The following ZDHHC2 variants were observed in gnomAD, a reference collection of about 807,000 sequenced individuals.
The protein encoded by ZDHHC2 is zDHHC palmitoyltransferase 2.
ZDHHC2 carries 51 observed loss-of-function variants against 55.6 expected under a neutral mutation model. The ratio of observed to expected loss-of-function variants is 0.92; its 90% CI spans 0.73 to 1.16. The LOEUF is 1.16. ZDHHC2 is among the 50% of genes most tolerant of loss of function. The pLI is 0.00. For missense variants in ZDHHC2, 491 were observed against 442.4 expected (o/e 1.11, Z -0.99); for synonymous variants, 199 against 152.9 (o/e 1.30, Z -2.22).
At chr8:17,164,968 G>A (rs1804531506) in intron 1 of ZDHHC2, among the ~76,000 whole-genome samples, 1 of 152,184 alleles carries the variant, frequency 6.6e-6, no homozygotes, top group Non-Finnish European at 1.5e-5. Context: ...TGGATCCCAT[G>A]AGTCCTCTCA....
chr8:17,169,010 G>A (rs570401857), intron 1 of ZDHHC2, among the ~76,000 whole-genome samples: 1 of 152,248 alleles, frequency 6.6e-6, no homozygotes, highest in East Asian at 1.9e-4. Flanking sequence ...ATACCTGTTT[G>A]AGTCCCTGCT....
At chr8:17,183,978 C>G (rs1016541804) in intron 1 of ZDHHC2, among the ~76,000 whole-genome samples, 2 of 152,114 alleles carry the variant, frequency 1.3e-5, no homozygotes, top group Admixed American at 6.5e-5. Flanking sequence ...GCACCAAGGC[C>G]TGAGGTCCCG....
rs548377144 is a variant in ZDHHC2, at chr8:17,203,126, C to A, written c.477-2529C>A. Among the ~76,000 whole-genome samples the A allele has an allele frequency of 3.0e-3, 396 of 134,088 alleles. 2 individuals are homozygous for A. Among genetic ancestry groups the A allele is most frequent in the African/African-American group, 0.01 (376 of 35,886 alleles). 88.0% of individuals were successfully genotyped at this position (134,088 alleles called of 152,430 possible). A position where few individuals can be genotyped will look rare whatever the true frequency, so the allele number is the denominator to read the frequency against. On this transcript the variant is annotated intron_variant, in intron 6 of 12. Coordinates refer to ENST00000262096, the MANE Select transcript of ZDHHC2 (RefSeq NM_016353.5). ...CCAGGCTGGAGTGCAGTGGTGAAAT[C>A]TTGGCTCACTGCAGCCTCTGCCTCC...
At chr8:17,158,984 C>A (rs1035917869) in intron 1 of ZDHHC2, among the ~76,000 whole-genome samples, 1 of 152,174 alleles carries the variant, frequency 6.6e-6, no homozygotes, top group African/African-American at 2.4e-5. Flanking sequence ...TATGAAAGAT[C>A]TAGATTCTAG....
intron 6 of ZDHHC2, among the ~76,000 whole-genome samples, chr8:17,198,674 T>A (rs1806452210): frequency 6.6e-6 from 1 of 152,244 alleles, no homozygotes. Context: ...ATTTTGTTTG[T>A]ATGCATGTGC....
chr8:17,167,530 C>T (rs1400354075), intron 1 of ZDHHC2, among the ~76,000 whole-genome samples: 3 of 152,004 alleles, frequency 2.0e-5, no homozygotes, highest in Non-Finnish European at 4.4e-5. Context: ...GTCTTGAACT[C>T]CTGACCTCAG....
chr8:17,210,713 C>A (rs1254698967), intron 10 of ZDHHC2, among the ~76,000 whole-genome samples: 1 of 151,928 alleles, frequency 6.6e-6, no homozygotes, highest in African/African-American at 2.4e-5. Context: ...TGTTAATTGT[C>A]TATACATTTT....
At chr8:17,168,208 A>G (rs1804696672) in intron 1 of ZDHHC2, among the ~76,000 whole-genome samples, 1 of 152,178 alleles carries the variant, frequency 6.6e-6, no homozygotes, top group South Asian at 2.1e-4. Flanking sequence ...TTGGCTCGGC[A>G]TTCTTTTGAA....
chr8:17,177,027 C>G lies in ZDHHC2; in HGVS notation c.131-7762C>G, dbSNP rs558354364. On this transcript the variant is annotated intron_variant, in intron 1 of 12. Coordinates refer to ENST00000262096, the MANE Select transcript of ZDHHC2 (RefSeq NM_016353.5). ...CTGGAAGGGGTGTCACTTTTGACCT[C>G]TAATACACTAAAAATGAACCAGAGA... 1.4e-4 allele frequency among the ~76,000 whole-genome samples: 22 copies of G among 152,234 alleles called. No homozygotes were observed. The South Asian group carries it at 4.6e-3, about 32-fold the overall frequency.
chr8:17,193,640 C>T (rs1042318305), intron 3 of ZDHHC2, among the ~76,000 whole-genome samples: 7 of 152,246 alleles, frequency 4.6e-5, no homozygotes, highest in African/African-American at 9.6e-5. Context: ...GAGTTTGCTC[C>T]GGCCCTGGCC....
chr8:17,190,956 T>TC (rs1563155230), intron 3 of ZDHHC2, among the ~76,000 whole-genome samples: 1 of 126,042 alleles, frequency 7.9e-6, no homozygotes. Context: ...TCATTCTTTT[T>TC]TTTTTTTTTT....
Position 17,156,576 on chromosome 8 carries a change from A to C in ZDHHC2, c.-148A>C. On this transcript the variant is annotated 5_prime_UTR_variant, in exon 1 of 13. Coordinates refer to ENST00000262096, the MANE Select transcript of ZDHHC2 (RefSeq NM_016353.5). ...GCCGGCTCGGGGCTGCGGGATGGGG[A>C]GTTAGCGCCACGGCGGCGGCAGTGG... 1 of 432,864 alleles carries C rather than the reference A, an allele frequency of 2.3e-6. No individual in the cohort carries two copies. The highest frequency in any genetic ancestry group is 3.1e-6 in the Non-Finnish European group (1 of 322,746). The allele number at this position is 432,864 out of a possible 1,614,324, so 26.8% of individuals were successfully genotyped here.
intron 1 of ZDHHC2, among the ~76,000 whole-genome samples, chr8:17,178,788 C>T (rs1301904523): frequency 1.3e-5 from 2 of 152,202 alleles, no homozygotes; most frequent in African/African-American, 4.8e-5. Context: ...ATTACTTTGA[C>T]AGTCTCACTC....
intron 1 of ZDHHC2, among the ~76,000 whole-genome samples, chr8:17,170,406 A>G (rs1804801791): frequency 6.6e-6 from 1 of 152,262 alleles, no homozygotes; most frequent in African/African-American, 2.4e-5. Flanking sequence ...CAATGAGCTC[A>G]TAAACACAAA....
At chr8:17,161,425 T>C (rs906426062) in intron 1 of ZDHHC2, among the ~76,000 whole-genome samples, 3 of 152,244 alleles carry the variant, frequency 2.0e-5, no homozygotes, top group African/African-American at 7.2e-5. Flanking sequence ...ATTAAGTTGA[T>C]GCAAAAGTAA....
intron 1 of ZDHHC2, among the ~76,000 whole-genome samples, chr8:17,159,022 C>T (rs866140011): frequency 8.5e-5 from 13 of 152,318 alleles, no homozygotes; most frequent in Admixed American, 4.6e-4. Context: ...CAAGTTGAAG[C>T]TGAATTTGAT....
chr8:17,161,134 T>TA (rs1352080508), intron 1 of ZDHHC2, among the ~76,000 whole-genome samples: 1 of 152,190 alleles, frequency 6.6e-6, no homozygotes, highest in Non-Finnish European at 1.5e-5. Context: ...CAAAGCCTCC[T>TA]ACTTGGATTC....
At chr8:17,168,784 A>G (rs181953892) in intron 1 of ZDHHC2, among the ~76,000 whole-genome samples, 1 of 152,214 alleles carries the variant, frequency 6.6e-6, no homozygotes, top group Non-Finnish European at 1.5e-5. Flanking sequence ...CTTATGTAAT[A>G]TCTTCAGAGT....
intron 1 of ZDHHC2, 72 bp downstream of exon 1, chr8:17,156,925 G>T: frequency 7.4e-7 from 1 of 1,353,938 alleles, no homozygotes. Flanking sequence ...ACGCTCAGCC[G>T]CTCCTCCGCT....
Sources: gnomAD v4.1 joint callset for allele counts (sites outside exome capture counted in the v4.1 genomes callset) on GRCh38, gnomAD v4.1.1 for gene constraint, MANE v1.5 for transcripts, NCBI Gene and HGNC (gene_info 2026-07-23, HGNC 2026-07-21) for gene names.